PCDHGA9: variants seen among roughly 807,000 people sequenced by gnomAD.
The protein encoded by PCDHGA9 is protocadherin gamma subfamily A, 9, also known as protocadherin gamma-A9.
Under a neutral mutation model 62.5 loss-of-function variants are expected in PCDHGA9, and 37 were observed. The observed-to-expected ratio is 0.59, with a 90% CI of 0.46 to 0.78. PCDHGA9 has a LOEUF of 0.78. Ranked by LOEUF, PCDHGA9 falls within the 30% of genes least tolerant of loss-of-function variation. The pLI is 0.00. For synonymous variants in PCDHGA9, 459 were observed against 484.6 expected (o/e 0.95, Z 0.69); for missense variants, 1,138 against 1,166.2 (o/e 0.98, Z 0.35).
intron 1 of PCDHGA9, among the ~76,000 whole-genome samples, chr5:141,460,951 G>GTATA (rs200454978): frequency 7.9e-5 from 11 of 139,774 alleles, no homozygotes; most frequent in Middle Eastern, 3.7e-3. Context: ...TATGTATTAT[G>GTATA]TATATATATA....
chr5:141,477,059 A>G lies in PCDHGA9; in HGVS notation c.2425-17748A>G. On this transcript the variant is annotated intron_variant, in intron 1 of 3. Coordinates refer to ENST00000573521, the MANE Select transcript of PCDHGA9 (RefSeq NM_018921.3). This position sits in a 1 kb window ranked among gnomAD's most constrained non-coding sequence, Gnocchi z 4.9. ...CAAGGGTCGGCTGGACTTCGAGGAC[A>G]CCAAACTCCATGAGATTTACATCCA... The G allele has an allele frequency of 1.2e-6, 2 of 1,614,238 alleles. No individual in the cohort carries two copies. Among genetic ancestry groups the G allele is most frequent in the Non-Finnish European group, 1.7e-6 (2 of 1,180,036 alleles).
At chr5:141,457,568 T>A (rs1397626206) in intron 1 of PCDHGA9, among the ~76,000 whole-genome samples, 1 of 152,190 alleles carries the variant, frequency 6.6e-6, no homozygotes, top group African/African-American at 2.4e-5. Context: ...TGGAGCAAAA[T>A]TTTTCTCTCC....
At position 141,512,430 on chromosome 5, in the gene PCDHGA9, CT is replaced by C. The variant is rs1357890225; in HGVS notation, c.*1258del. The C allele has an allele frequency of 1.3e-5, 2 of 152,824 alleles. No homozygotes were observed. Among genetic ancestry groups the C allele is most frequent in the Non-Finnish European group, 2.9e-5 (2 of 68,158 alleles). 9.5% of individuals were successfully genotyped at this position (152,824 alleles called of 1,614,324 possible). On this transcript the variant is annotated 3_prime_UTR_variant, in exon 4 of 4. Coordinates refer to ENST00000573521, the MANE Select transcript of PCDHGA9 (RefSeq NM_018921.3). ...CTTCTTCAACAGGGCCCCTGCCCTCCTGAAGCCTCAGTCCTTCACCTTGCCA... is the reference window on the plus strand; with the variant it reads ...CTTCTTCAACAGGGCCCCTGCCCTCCGAAGCCTCAGTCCTTCACCTTGCCA...
chr5:141,421,043 C>G (rs1201118615), intron 1 of PCDHGA9: 2 of 548,238 alleles, frequency 3.6e-6, no homozygotes, highest in Non-Finnish European at 6.3e-6. Flanking sequence ...CCTCCCTCCC[C>G]CGCCTCTACC....
intron 1 of PCDHGA9, among the ~76,000 whole-genome samples, chr5:141,470,624 A>G (rs1421700811): frequency 6.6e-6 from 1 of 152,220 alleles, no homozygotes; most frequent in Non-Finnish European, 1.5e-5. Flanking sequence ...TCATGCTTAG[A>G]TAGGCCCCCT....
chr5:141,429,450 A>G (rs1326036711), intron 1 of PCDHGA9, among the ~76,000 whole-genome samples: 1 of 152,114 alleles, frequency 6.6e-6, no homozygotes, highest in East Asian at 1.9e-4. Context: ...CTTGGGCTAC[A>G]GTAATCCTCC....
At chr5:141,414,059 A>C (rs1008514691) in intron 1 of PCDHGA9, 1 of 1,609,440 alleles carries the variant, frequency 6.2e-7, no homozygotes, top group East Asian at 2.2e-5. Flanking sequence ...CAATTGTTGA[A>C]GTTCCAACTA....
At chr5:141,421,955 T>A in intron 1 of PCDHGA9, 1 of 1,612,914 alleles carries the variant, frequency 6.2e-7, no homozygotes, top group South Asian at 1.1e-5. Context: ...ATCCCAATGT[T>A]TACACAGTCC....
chr5:141,455,244 T>C (rs977940552), intron 1 of PCDHGA9, among the ~76,000 whole-genome samples: 1 of 152,142 alleles, frequency 6.6e-6, no homozygotes, highest in Admixed American at 6.5e-5. Flanking sequence ...TTAAAGGTCA[T>C]AGTACAATCG....
Position 141,502,395 on chromosome 5 carries a change from G to A in PCDHGA9, c.2484-2998G>A, listed in dbSNP as rs115188718. The stretch of plus-strand genomic sequence containing the variant: ...GTCCAGGCCAGTTGTACTTTAAAAT[G>A]TCCCCGAACCTGGATTTGCTGGCTA... On this transcript the variant is annotated intron_variant, in intron 2 of 3. Transcript: ENST00000573521. Among the ~76,000 whole-genome samples, 610 of 151,894 alleles carry A rather than the reference G, an allele frequency of 4.0e-3. 3 individuals carry two copies. Among genetic ancestry groups the A allele is most frequent in the African/African-American group, 0.013 (553 of 41,410 alleles).
At chr5:141,454,181 G>A (rs1290295830) in intron 1 of PCDHGA9, among the ~76,000 whole-genome samples, 1 of 152,200 alleles carries the variant, frequency 6.6e-6, no homozygotes, top group Non-Finnish European at 1.5e-5. Context: ...GCAGCTAAAG[G>A]AGCTTAGTGA....
rs200045647 is a variant in PCDHGA9, at chr5:141,490,150, G to A, written c.2425-4657G>A. 50 of 1,614,246 alleles carry A rather than the reference G, an allele frequency of 3.1e-5. No individual in the cohort carries two copies. The Admixed American group carries it at 7.7e-4, about 25-fold the overall frequency. On this transcript the variant is annotated intron_variant, in intron 1 of 3. Transcript: ENST00000573521. The surrounding 1 kb of genome is among the most constrained non-coding windows in gnomAD (Gnocchi z 5.4). ...AGACCCTAGCAGTGGGGCAATCCAT[G>A]TGTTGGGTCCCATAGACTTTGAGGA...
At chr5:141,453,780 C>T (rs1330142662) in intron 1 of PCDHGA9, among the ~76,000 whole-genome samples, 3 of 152,090 alleles carry the variant, frequency 2.0e-5, no homozygotes, top group African/African-American at 4.8e-5. Flanking sequence ...TTTTAGTTAC[C>T]ATGGTATATT....
chr5:141,444,920 G>A (rs2098451595), intron 1 of PCDHGA9, among the ~76,000 whole-genome samples: 1 of 152,110 alleles, frequency 6.6e-6, no homozygotes, highest in Non-Finnish European at 1.5e-5. Context: ...ACCTTTATCA[G>A]GGAAAGAGGG....
intron 1 of PCDHGA9, among the ~76,000 whole-genome samples, chr5:141,463,179 A>G (rs1261927835): frequency 6.6e-6 from 1 of 152,082 alleles, no homozygotes; most frequent in Non-Finnish European, 1.5e-5. Context: ...GTATGCTCAG[A>G]TTATTATTTA....
rs2094413954 is a variant in PCDHGA9, at chr5:141,403,495, C to T, written c.543C>T (p.Asn181=). 1.2e-6 allele frequency: 2 copies of T among 1,614,014 alleles called. No individual in the cohort carries two copies. Among genetic ancestry groups the T allele is most frequent in the Non-Finnish European group, 1.7e-6 (2 of 1,179,894 alleles). ...GCCCCAATCACCACTTCTCCCTGAACGTGCAGACTGGAGACAATGGAGCCA... is the reference window on the plus strand; with the variant it reads ...GCCCCAATCACCACTTCTCCCTGAATGTGCAGACTGGAGACAATGGAGCCA... ...QLSPNHHFSL[N]VQTGDNGAIN... The change falls in exon 1 of 4, where the codon AAC becomes AAT. Residue 181 remains asparagine, a synonymous_variant. Transcript: ENST00000573521.
At position 141,490,376 on chromosome 5, in the gene PCDHGA9, CA is replaced by C; in HGVS notation, c.2425-4430del. 1 of 1,614,184 alleles carries C rather than the reference CA, an allele frequency of 6.2e-7. No individual in the cohort carries two copies. Among genetic ancestry groups the C allele is most frequent in the African/African-American group, 1.3e-5 (1 of 75,030 alleles). On this transcript the variant is annotated intron_variant, in intron 1 of 3. Coordinates refer to ENST00000573521, the MANE Select transcript of PCDHGA9 (RefSeq NM_018921.3). This position sits in a 1 kb window ranked among gnomAD's most constrained non-coding sequence, Gnocchi z 5.4. ...TTGTTTAATGTGCGAGACCGGGACTCAGGTAGAAATGGTGAAGTGAGCCTTG... is the reference window on the plus strand; with the variant it reads ...TTGTTTAATGTGCGAGACCGGGACTCGGTAGAAATGGTGAAGTGAGCCTTG...
chr5:141,409,988 G>A (rs373071156), intron 1 of PCDHGA9: 43 of 1,613,160 alleles, frequency 2.7e-5, no homozygotes, highest in African/African-American at 5.3e-5. Context: ...AGCGGTGGAC[G>A]CCGACTCGGG....
At chr5:141,460,067 G>T (rs1168161575) in intron 1 of PCDHGA9, among the ~76,000 whole-genome samples, 1 of 151,996 alleles carries the variant, frequency 6.6e-6, no homozygotes, top group Non-Finnish European at 1.5e-5. Flanking sequence ...AACAGAGTGA[G>T]ACTTCATCTA....
Sources: gnomAD v4.1 joint callset for allele counts (sites outside exome capture counted in the v4.1 genomes callset) on GRCh38, gnomAD v4.1.1 for gene constraint, Gnocchi (gnomAD v3.1) non-coding constraint, MANE v1.5 for transcripts, NCBI Gene and HGNC (gene_info 2026-07-23, HGNC 2026-07-21) for gene names.